The following KDM2B variants were observed in gnomAD, a reference collection of about 807,000 sequenced individuals.
KDM2B encodes lysine-specific demethylase 2B.
Under a neutral mutation model 150.0 loss-of-function variants are expected in KDM2B, and 26 were observed. The observed-to-expected ratio is 0.17, with a 90% CI of 0.13 to 0.24. The LOEUF (loss-of-function observed/expected upper bound fraction) is 0.24, where lower values mean the gene tolerates loss of function less well. Among genes scored for constraint, KDM2B ranks in the 10% least tolerant of loss-of-function variants. KDM2B has a pLI of 1.00. For synonymous variants in KDM2B, 734 were observed against 729.5 expected (o/e 1.01, Z -0.10); for missense variants, 1,265 against 1,816.9 (o/e 0.70, Z 5.52).
At chr12:121,562,938 G>A (rs1005843022) in intron 4 of KDM2B, among the ~76,000 whole-genome samples, 1 of 152,146 alleles carries the variant, frequency 6.6e-6, no homozygotes, top group Non-Finnish European at 1.5e-5. Flanking sequence ...ACCGAATGAA[G>A]TCATTTGTCA....
intron 6 of KDM2B, among the ~76,000 whole-genome samples, chr12:121,538,731 G>A: frequency 6.6e-6 from 1 of 152,120 alleles, no homozygotes; most frequent in Non-Finnish European, 1.5e-5. Context: ...AGGGAGGCTT[G>A]TGACTCAAGC....
chr12:121,417,395 G>A, the KDM2B span: 1 of 863,340 alleles, frequency 1.2e-6, no homozygotes, highest in Non-Finnish European at 1.8e-6. This position sits in a 1 kb window ranked among gnomAD's most constrained non-coding sequence, Gnocchi z 5.0. Context: ...TGGTGCCACT[G>A]GGGACTTCAC....
downstream of KDM2B, among the ~76,000 whole-genome samples, chr12:121,426,229 T>TA (rs1872504377): frequency 1.3e-5 from 2 of 152,238 alleles, no homozygotes; most frequent in African/African-American, 2.4e-5. Flanking sequence ...TATTAAGTTT[T>TA]AGTGGCTTCT....
the KDM2B span, among the ~76,000 whole-genome samples, chr12:121,418,899 G>T: frequency 1.3e-4 from 20 of 152,128 alleles, no homozygotes; most frequent in Non-Finnish European, 1.6e-4. Flanking sequence ...TAAAGATGGG[G>T]TTTCACCATG....
At chr12:121,427,354 A>G (rs1037976495), downstream of KDM2B, among the ~76,000 whole-genome samples, 19 of 152,148 alleles carry the variant, frequency 1.2e-4, no homozygotes, top group African/African-American at 4.3e-4. Context: ...CCTGGCCAAC[A>G]TGGTGGGTGA....
rs782411157 is a variant in KDM2B, at chr12:121,580,926, T to TG, written c.-16dup. 7 of 1,612,376 alleles carry TG rather than the reference T, an allele frequency of 4.3e-6. No homozygotes were observed. Among genetic ancestry groups the TG allele is most frequent in the African/African-American group, 1.3e-5 (1 of 74,704 alleles). On this transcript the variant is annotated 5_prime_UTR_variant, in exon 1 of 23. Transcript: ENST00000377071. ...GGACCCGCCATGTGGAGGAGGCATTTGGGGGGCTCAGAAGGAAATTAGCTC... is the reference window on the plus strand; with the variant it reads ...GGACCCGCCATGTGGAGGAGGCATTTGGGGGGGCTCAGAAGGAAATTAGCTC...
chr12:121,415,365 A>C, the KDM2B span: 2 of 324,770 alleles, frequency 6.2e-6, no homozygotes, highest in Non-Finnish European at 1.3e-5. Context: ...TCACACTTGT[A>C]ATCTGAGCAC....
chr12:121,417,674 A>T, the KDM2B span: 1 of 1,614,172 alleles, frequency 6.2e-7, no homozygotes, highest in Non-Finnish European at 8.5e-7. The surrounding 1 kb of genome is among the most constrained non-coding windows in gnomAD (Gnocchi z 5.0). Flanking sequence ...TGAGAAATAT[A>T]CCCATAGATA....
In KDM2B at chr12:121,495,296, G is replaced by A. The variant is rs1883807319; in HGVS notation, c.1648-631C>T. On this transcript the variant is annotated intron_variant, in intron 11 of 22. Coordinates refer to ENST00000377071, the MANE Select transcript of KDM2B (RefSeq NM_032590.5). ...CTGCCCCAGCCTCCCGAGTAGCTGT[G>A]AATGCAGGTGTGCACCACCACGCTG... 2.0e-5 allele frequency among the ~76,000 whole-genome samples: 3 copies of A among 152,132 alleles called. No homozygotes were observed. In the South Asian group the frequency reaches 6.2e-4, roughly 32 times the overall value.
chr12:121,409,182 G>A, the KDM2B span, among the ~76,000 whole-genome samples: 4 of 152,134 alleles, frequency 2.6e-5, no homozygotes, highest in East Asian at 5.8e-4. Flanking sequence ...GTTTTACCAT[G>A]TTGGCCAGGC....
chr12:121,555,836 C>T (rs1052028436), intron 4 of KDM2B, among the ~76,000 whole-genome samples: 3 of 152,208 alleles, frequency 2.0e-5, no homozygotes, highest in Non-Finnish European at 2.9e-5. Flanking sequence ...GGATCCTTCA[C>T]GAATGCCTTG....
At chr12:121,443,290 AG>A (rs1487839941) in intron 17 of KDM2B, 5 of 585,840 alleles carry the variant, frequency 8.5e-6, no homozygotes, top group Non-Finnish European at 1.2e-5. Context: ...GGAGATGTGC[AG>A]CCGCCCATTC....
At chr12:121,570,450 T>G (rs892864995) in intron 4 of KDM2B, among the ~76,000 whole-genome samples, 1 of 152,180 alleles carries the variant, frequency 6.6e-6, no homozygotes, top group African/African-American at 2.4e-5. Flanking sequence ...CCTCCCAAAG[T>G]GCTGGAACTA....
chr12:121,552,708 A>G (rs1274295297), intron 4 of KDM2B, among the ~76,000 whole-genome samples: 2 of 150,468 alleles, frequency 1.3e-5, no homozygotes, highest in Non-Finnish European at 3.0e-5. Context: ...TCCAGACCAC[A>G]GCAGTGGCCA....
rs61625774 is a variant in KDM2B at position 121,503,289 on chromosome 12, G to C, written c.1647+6278C>G. ...CACTGCGCCCGGGCTGTGGTGTTTTGTTTTTTTTTTTTCTTTTTTGAGACA... is the reference window on the plus strand; with the variant it reads ...CACTGCGCCCGGGCTGTGGTGTTTTCTTTTTTTTTTTTCTTTTTTGAGACA... On this transcript the variant is annotated intron_variant, in intron 11 of 22. Transcript: ENST00000377071. Among the ~76,000 whole-genome samples the C allele has an allele frequency of 6.6e-3, 937 of 142,272 alleles. 4 individuals are homozygous for C. Among genetic ancestry groups the C allele is most frequent in the African/African-American group, 0.022 (883 of 39,458 alleles). 93.3% of individuals were successfully genotyped at this position (142,272 alleles called of 152,430 possible).
chr12:121,484,393 A>G (rs1231265895), intron 12 of KDM2B, among the ~76,000 whole-genome samples: 2 of 152,158 alleles, frequency 1.3e-5, no homozygotes, highest in Admixed American at 6.5e-5. Flanking sequence ...GACTGGTCCA[A>G]GGAAATCATG....
chr12:121,422,940 A>G, the KDM2B span, among the ~76,000 whole-genome samples: 4 of 152,166 alleles, frequency 2.6e-5, no homozygotes, highest in Non-Finnish European at 5.9e-5. Context: ...TCCTTTTCCT[A>G]CTGAGATGAG....
intron 11 of KDM2B, among the ~76,000 whole-genome samples, chr12:121,500,304 G>T (rs373540054): frequency 1.3e-5 from 2 of 152,154 alleles, no homozygotes; most frequent in African/African-American, 4.8e-5. Flanking sequence ...CCCCCTAAGG[G>T]TTACACCTTA....
chr12:121,441,915 G>A (rs889877607), intron 19 of KDM2B, among the ~76,000 whole-genome samples: 2 of 152,216 alleles, frequency 1.3e-5, no homozygotes, highest in South Asian at 2.1e-4. Context: ...CTAACTCTCC[G>A]AAGCCAAGGA....
Sources: gnomAD v4.1 joint callset for allele counts (sites outside exome capture counted in the v4.1 genomes callset) on GRCh38, gnomAD v4.1.1 for gene constraint, Gnocchi (gnomAD v3.1) non-coding constraint, MANE v1.5 for transcripts, NCBI Gene and HGNC (gene_info 2026-07-23, HGNC 2026-07-21) for gene names.